Variants in NAA15 observed in about 807,000 individuals in gnomAD.
The protein encoded by NAA15 is N-alpha-acetyltransferase 15, NatA auxiliary subunit.
In NAA15, 34 loss-of-function variants were observed where a neutral mutation model predicts 114.0. The observed-to-expected ratio is 0.30, with a 90% CI of 0.23 to 0.40. NAA15 has a LOEUF of 0.40. Among genes scored for constraint, NAA15 ranks in the 10% least tolerant of loss-of-function variants. NAA15 has a pLI of 1.00. For synonymous variants in NAA15, 340 were observed against 338.0 expected, an observed-to-expected ratio of 1.01 and a Z score of -0.06; for missense variants, 658 against 1,004.5, an observed-to-expected ratio of 0.66 and a Z score of 4.66.
chr4:139,370,456 T>G, intron 15 of NAA15, 52 bp downstream of exon 15: 2 of 1,470,408 alleles, frequency 1.4e-6, no homozygotes, highest in Non-Finnish European at 1.8e-6. Flanking sequence ...TGACCAGCTC[T>G]TGTCATTTTT....
At chr4:139,311,213 T>C (rs1415011189) in intron 1 of NAA15, among the ~76,000 whole-genome samples, 1 of 152,026 alleles carries the variant, frequency 6.6e-6, no homozygotes, top group African/African-American at 2.4e-5. Flanking sequence ...TTTACTTTTA[T>C]GTTTATCACG....
rs1553998024 is a variant in NAA15 at position 139,371,497 on chromosome 4, G to GCACGCACACACACA, written c.1947+1096_1947+1097insGCACACACACACAC. Among the ~76,000 whole-genome samples the GCACGCACACACACA allele has an allele frequency of 3.5e-5, 4 of 113,678 alleles. No individual in the cohort carries two copies. In the East Asian group the frequency reaches 8.5e-4, roughly 24 times the overall value. The allele number at this position is 113,678 out of a possible 152,430, so 74.6% of individuals were successfully genotyped here. A position where few individuals can be genotyped will look rare whatever the true frequency, so the allele number is the denominator to read the frequency against. On this transcript the variant is annotated intron_variant, in intron 15 of 19. Transcript: ENST00000296543. ...CTTAAAAAAAAAAAAAAGAAAAGTA[G>GCACGCACACACACA]CACACACACACACACACACACACAC... is the stretch of plus-strand genomic sequence containing the variant.
At position 139,389,695 on chromosome 4, in the gene NAA15, A is replaced by G. The variant is rs943562621; in HGVS notation, c.*1611A>G. 2 of 152,642 alleles carry G rather than the reference A, an allele frequency of 1.3e-5. No individual in the cohort carries two copies. The highest frequency in any genetic ancestry group is 4.8e-5 in the African/African-American group (2 of 41,458). The allele number at this position is 152,642 out of a possible 1,614,324, so 9.5% of individuals were successfully genotyped here. A position where few individuals can be genotyped will look rare whatever the true frequency, so the allele number is the denominator to read the frequency against. ...TGAGCAAATAAGATTAAGTAAAACA[A>G]ATCAATTGTATATATAATTGACCTT... On this transcript the variant is annotated 3_prime_UTR_variant, in exon 20 of 20. Transcript: ENST00000296543.
At chr4:139,321,864 A>G (rs1465720172) in intron 1 of NAA15, among the ~76,000 whole-genome samples, 1 of 151,924 alleles carries the variant, frequency 6.6e-6, no homozygotes, top group African/African-American at 2.4e-5. Context: ...TTGAAGTCTC[A>G]GCTACTTACG....
At chr4:139,305,171 G>T (rs1208220536) in intron 1 of NAA15, among the ~76,000 whole-genome samples, 6 of 152,156 alleles carry the variant, frequency 3.9e-5, no homozygotes, top group Admixed American at 2.0e-4. Flanking sequence ...AGCAATTTTT[G>T]ATTAAACATC....
intron 1 of NAA15, among the ~76,000 whole-genome samples, chr4:139,313,443 A>C (rs1382632182): frequency 4.6e-5 from 7 of 151,766 alleles, no homozygotes; most frequent in Admixed American, 4.6e-4. Context: ...TTTATGCTAG[A>C]CTTTTTACAT....
Position 139,301,669 on chromosome 4 carries a change from G to C in NAA15, c.-109G>C. On this transcript the variant is annotated 5_prime_UTR_variant, in exon 1 of 20. Coordinates refer to ENST00000296543, the MANE Select transcript of NAA15 (RefSeq NM_057175.5). ...ACACCCGAGGCCTGGTGGTGGCGGC[G>C]GATCGAGATATTCAAGGCTGAAGCA... is the stretch of plus-strand genomic sequence containing the variant. 1 of 1,290,644 alleles carries C rather than the reference G, an allele frequency of 7.7e-7. No homozygotes were observed. Among genetic ancestry groups the C allele is most frequent in the East Asian group, 2.8e-5 (1 of 36,294 alleles). 79.9% of individuals were successfully genotyped at this position (1,290,644 alleles called of 1,614,324 possible).
chr4:139,359,955 TATAAC>T (rs1560973639), intron 12 of NAA15, 60 bp downstream of exon 12: 1 of 1,427,298 alleles, frequency 7.0e-7, no homozygotes, highest in Non-Finnish European at 9.3e-7. Context: ...TTCATACTTG[TATAAC>T]ATGCTTATTT....
At chr4:139,314,985 G>T (rs113838248) in intron 1 of NAA15, among the ~76,000 whole-genome samples, 2,537 of 60,346 alleles carry the variant, frequency 0.042, 156 homozygotes, top group Middle Eastern at 0.051. Flanking sequence ...CTAGAGAAGC[G>T]TTCAGTTCAG....
chr4:139,312,921 G>T (rs1746268159), intron 1 of NAA15, among the ~76,000 whole-genome samples: 1 of 151,908 alleles, frequency 6.6e-6, no homozygotes, highest in Non-Finnish European at 1.5e-5. Flanking sequence ...TTTGTTATCT[G>T]ATGGGCTCTA....
At chr4:139,386,273 C>T in intron 19 of NAA15, 43 bp downstream of exon 19, 1 of 1,083,474 alleles carries the variant, frequency 9.2e-7, no homozygotes, top group Non-Finnish European at 1.4e-6. Flanking sequence ...TACTTAACTA[C>T]TTTTTTCACC....
intron 2 of NAA15, among the ~76,000 whole-genome samples, chr4:139,336,536 T>G (rs1358134031): frequency 3.3e-5 from 5 of 152,126 alleles, no homozygotes; most frequent in Non-Finnish European, 5.9e-5. Flanking sequence ...GGTTATCCCA[T>G]GGAATTCCCC....
At chr4:139,321,223 T>C (rs1746592315) in intron 1 of NAA15, among the ~76,000 whole-genome samples, 1 of 152,148 alleles carries the variant, frequency 6.6e-6, no homozygotes, top group Non-Finnish European at 1.5e-5. Flanking sequence ...GCTCTTGTTT[T>C]TTCTAATTTC....
rs190686796 is a variant in NAA15, at chr4:139,370,392, G to T, written c.1935G>T (p.Glu645Asp). The change falls in exon 15 of 20, where the codon GAG becomes GAT. Residue 645 changes from glutamate (E) to aspartate (D), a missense_variant. Physicochemically the swap from Glu to Asp is conservative, Grantham distance 45. Coordinates refer to ENST00000296543, the MANE Select transcript of NAA15 (RefSeq NM_057175.5). ...GTCCAAAAGAAGAACTTATTCCAGA[G>T]AAACTGGCCAAGGTACTTAATAATA... ...IGGPKEELIP[E>D]KLAKVETPLE... The T allele has an allele frequency of 6.3e-7, 1 of 1,575,562 alleles. No homozygotes were observed. The highest frequency in any genetic ancestry group is 1.2e-5 in the South Asian group (1 of 82,874).
rs182912332 is a variant in NAA15 at position 139,368,193 on chromosome 4, C to T, written c.1754-2018C>T. Among the ~76,000 whole-genome samples, 24 of 152,204 alleles carry T rather than the reference C, an allele frequency of 1.6e-4. No homozygotes were observed. The East Asian group carries it at 3.7e-3, about 23-fold the overall frequency. On this transcript the variant is annotated intron_variant, in intron 14 of 19. Transcript: ENST00000296543. Reference sequence around the variant, plus strand: ...AAACATAGCAGCTTTAAATAGCAACCGTTTATTATCTGACTGTTACTATGT... The same window carrying T: ...AAACATAGCAGCTTTAAATAGCAACTGTTTATTATCTGACTGTTACTATGT...
chr4:139,374,957 G>A (rs1440723684), intron 15 of NAA15, among the ~76,000 whole-genome samples: 1 of 152,118 alleles, frequency 6.6e-6, no homozygotes, highest in East Asian at 1.9e-4. Context: ...TATAGTCCTT[G>A]TTTCCCTTTG....
chr4:139,367,657 A>G (rs189080407), intron 14 of NAA15, among the ~76,000 whole-genome samples: 2 of 152,192 alleles, frequency 1.3e-5, no homozygotes, highest in African/African-American at 4.8e-5. Context: ...GTGAGGCACC[A>G]CCATATTCTG....
chr4:139,319,221 G>T (rs538147380), intron 1 of NAA15, among the ~76,000 whole-genome samples: 1 of 152,302 alleles, frequency 6.6e-6, no homozygotes, highest in Non-Finnish European at 1.5e-5. Flanking sequence ...TTAAACCCGT[G>T]AGGCGGGGGT....
At chr4:139,303,542 A>G (rs1289562995) in intron 1 of NAA15, among the ~76,000 whole-genome samples, 2 of 152,196 alleles carry the variant, frequency 1.3e-5, no homozygotes, top group Non-Finnish European at 2.9e-5. Context: ...CATGCCTGTA[A>G]TCCCAGCACT....
Sources: allele counts gnomAD v4.1 joint callset (sites outside exome capture counted in the v4.1 genomes callset), GRCh38; gene constraint gnomAD v4.1.1; transcripts MANE v1.5; gene names NCBI Gene and HGNC (gene_info 2026-07-23, HGNC 2026-07-21).